The following BTBD9 variants were observed in gnomAD, a reference collection of about 807,000 sequenced individuals.
BTBD9 encodes BTB domain containing 9.
BTBD9 carries 49 observed loss-of-function variants against 64.3 expected under a neutral mutation model. The observed-to-expected ratio is 0.76, with a 90% CI of 0.61 to 0.97. The LOEUF (loss-of-function observed/expected upper bound fraction) is 0.97. Ranked by LOEUF, BTBD9 falls within the 50% of genes least tolerant of loss-of-function variation. The pLI, the probability that BTBD9 is intolerant of heterozygous loss-of-function variation, is 0.00. For missense variants in BTBD9, 598 were observed against 762.1 expected (o/e 0.78, Z 2.53); for synonymous variants, 260 against 274.7 (o/e 0.95, Z 0.53).
chr6:38,195,187 G>T (rs767797238), intron 9 of BTBD9, among the ~76,000 whole-genome samples: 3 of 152,188 alleles, frequency 2.0e-5, no homozygotes, highest in Non-Finnish European at 4.4e-5. Flanking sequence ...GGTGGCACCA[G>T]AGTGGTCACC....
chr6:38,443,605 AG>A (rs753028403), intron 6 of BTBD9, among the ~76,000 whole-genome samples: 12 of 152,204 alleles, frequency 7.9e-5, no homozygotes, highest in Non-Finnish European at 1.8e-4. Flanking sequence ...GCCAGAAATC[AG>A]GAAGTTGGCC....
At chr6:38,373,973 T>C (rs540139637) in intron 6 of BTBD9, among the ~76,000 whole-genome samples, 1 of 151,862 alleles carries the variant, frequency 6.6e-6, no homozygotes, top group African/African-American at 2.4e-5. Context: ...AATCAGCTTT[T>C]TAAATATCTA....
At chr6:38,423,520 G>T (rs550392495) in intron 6 of BTBD9, among the ~76,000 whole-genome samples, 1 of 152,110 alleles carries the variant, frequency 6.6e-6, no homozygotes, top group South Asian at 2.1e-4. Flanking sequence ...GCCCAGGGTG[G>T]TCTCAAACTC....
chr6:38,404,500 T>C (rs1021426469), intron 6 of BTBD9, among the ~76,000 whole-genome samples: 4 of 152,116 alleles, frequency 2.6e-5, no homozygotes, highest in South Asian at 2.1e-4. Context: ...GCTAGGACAA[T>C]AGAAGAATCA....
intron 6 of BTBD9, among the ~76,000 whole-genome samples, chr6:38,491,302 G>C (rs945139900): frequency 1.3e-5 from 2 of 152,192 alleles, no homozygotes; most frequent in Non-Finnish European, 2.9e-5. Context: ...GGCAAGAAAG[G>C]CAAGGTGTTA....
chr6:38,581,394 C>G (rs1423278251), intron 4 of BTBD9, among the ~76,000 whole-genome samples: 2 of 151,928 alleles, frequency 1.3e-5, no homozygotes, highest in Admixed American at 1.3e-4. Flanking sequence ...AAAACAAGAT[C>G]GTTTAAAAAA....
intron 8 of BTBD9, among the ~76,000 whole-genome samples, chr6:38,267,536 C>CATTTGA (rs956746712): frequency 6.6e-6 from 1 of 152,188 alleles, no homozygotes; most frequent in African/African-American, 2.4e-5. Context: ...CAAGTCCATT[C>CATTTGA]AGGAGAGCCC....
At chr6:38,221,971 C>CAG (rs1763211998) in intron 9 of BTBD9, among the ~76,000 whole-genome samples, 1 of 151,630 alleles carries the variant, frequency 6.6e-6, no homozygotes, top group Non-Finnish European at 1.5e-5. Context: ...AGCCTGGTGA[C>CAG]AGAGAGAGAC....
chr6:38,399,369 G>C (rs1200956603), intron 6 of BTBD9, among the ~76,000 whole-genome samples: 1 of 152,154 alleles, frequency 6.6e-6, no homozygotes, highest in Non-Finnish European at 1.5e-5. Context: ...GCAAGTGAAA[G>C]AACGCTGGAC....
At chr6:38,639,705 CG>C (rs1241038802) in intron 1 of BTBD9, 94 bp downstream of exon 1, 8 of 145,482 alleles carry the variant, frequency 5.5e-5, no homozygotes, top group Admixed American at 1.4e-4. Context: ...GGCGGAGGGG[CG>C]GGGGGCGGTG....
chr6:38,592,289 G>A (rs143196372), intron 4 of BTBD9, among the ~76,000 whole-genome samples: 3 of 152,268 alleles, frequency 2.0e-5, no homozygotes, highest in African/African-American at 7.2e-5. Context: ...CTTAACATGA[G>A]CAGCAGCTTT....
intron 7 of BTBD9, among the ~76,000 whole-genome samples, chr6:38,322,105 A>T (rs1763260018): frequency 1.3e-5 from 2 of 152,058 alleles, no homozygotes; most frequent in African/African-American, 2.4e-5. Context: ...AAGCACATTA[A>T]GACTTCCTTG....
chr6:38,411,054 CT>C (rs1009396933), intron 6 of BTBD9, among the ~76,000 whole-genome samples: 12 of 152,044 alleles, frequency 7.9e-5, no homozygotes, highest in Admixed American at 3.3e-4. Flanking sequence ...CTGGCCCAAA[CT>C]GAGGGGCAAC....
At chr6:38,615,664 A>G (rs546133419) in intron 1 of BTBD9, among the ~76,000 whole-genome samples, 2 of 152,214 alleles carry the variant, frequency 1.3e-5, no homozygotes, top group South Asian at 4.1e-4. Flanking sequence ...CTTCACTCCC[A>G]TACCATTTCT....
At chr6:38,629,482 T>C (rs1562443438) in intron 1 of BTBD9, among the ~76,000 whole-genome samples, 1 of 152,230 alleles carries the variant, frequency 6.6e-6, no homozygotes, top group Non-Finnish European at 1.5e-5. Context: ...CTGCATAATG[T>C]GGATCTAATC....
chr6:38,587,607 A>C, intron 4 of BTBD9: 1 of 581,514 alleles, frequency 1.7e-6, no homozygotes, highest in East Asian at 3.9e-5. Flanking sequence ...TTAATGGCCA[A>C]CGAAGACCCC....
At position 38,389,496 on chromosome 6, in the gene BTBD9, C is replaced by T. The variant is rs1417875668; in HGVS notation, c.1155-44403G>A. Among the ~76,000 whole-genome samples the T allele has an allele frequency of 2.0e-5, 3 of 152,182 alleles. 1 individual carries two copies. The highest frequency in any genetic ancestry group is 2.1e-4 in the South Asian group (1 of 4,824). ...ACACATACAGCCCCATGCTGGATGGCGTTGGGTGTTCACTTTCATTCACAA... is the reference window on the plus strand; with the variant it reads ...ACACATACAGCCCCATGCTGGATGGTGTTGGGTGTTCACTTTCATTCACAA... On this transcript the variant is annotated intron_variant, in intron 6 of 10. Coordinates refer to ENST00000481247, the MANE Select transcript of BTBD9 (RefSeq NM_001099272.2).
At chr6:38,460,094 G>A (rs1770006104) in intron 6 of BTBD9, among the ~76,000 whole-genome samples, 1 of 152,158 alleles carries the variant, frequency 6.6e-6, no homozygotes, top group African/African-American at 2.4e-5. Flanking sequence ...TTATTTCGGG[G>A]AGATAATCTG....
chr6:38,350,003 A>G lies in BTBD9; in HGVS notation c.1155-4910T>C, dbSNP rs187369008. Among the ~76,000 whole-genome samples the G allele has an allele frequency of 5.9e-5, 9 of 152,348 alleles. No individual in the cohort carries two copies. The East Asian group carries it at 1.5e-3, about 26-fold the overall frequency. ...CATATTTGGGTTTAAAGTTTAAAGT[A>G]TCTTCTCCCTTCCTCCAACCCAGGA... On this transcript the variant is annotated intron_variant, in intron 6 of 10. Transcript: ENST00000481247.
Sources: allele counts gnomAD v4.1 joint callset (sites outside exome capture counted in the v4.1 genomes callset), GRCh38; gene constraint gnomAD v4.1.1; transcripts MANE v1.5; gene names NCBI Gene and HGNC (gene_info 2026-07-23, HGNC 2026-07-21).